The following TSC22D1 variants were observed in gnomAD, a reference collection of about 807,000 sequenced individuals.
TSC22D1 encodes the protein TSC22 domain family protein 1.
A neutral mutation model predicts 74.2 loss-of-function variants in TSC22D1; 9 were observed. The observed-to-expected ratio is 0.12, with a 90% CI of 0.07 to 0.21. The LOEUF (loss-of-function observed/expected upper bound fraction) is 0.21. Ranked by LOEUF, TSC22D1 falls within the 10% of genes least tolerant of loss-of-function variation. TSC22D1 has a pLI of 1.00. For missense variants in TSC22D1, 1,427 were observed against 1,304.7 expected, an observed-to-expected ratio of 1.09 and a Z score of -1.44; for synonymous variants, 586 against 492.5, an observed-to-expected ratio of 1.19 and a Z score of -2.51.
At chr13:44,468,000 GCGCACACACA>G (rs1877392716) in intron 1 of TSC22D1, among the ~76,000 whole-genome samples, 1 of 115,058 alleles carries the variant, frequency 8.7e-6, no homozygotes, top group African/African-American at 3.2e-5. Flanking sequence ...ATACACACAC[GCGCACACACA>G]CACACACACA....
intron 1 of TSC22D1, among the ~76,000 whole-genome samples, chr13:44,572,280 C>T (rs1264991201): frequency 1.3e-5 from 2 of 152,168 alleles, no homozygotes; most frequent in African/African-American, 4.8e-5. Context: ...ATAAGCGTTA[C>T]TGGCATATTA....
chr13:44,435,002 T>G, intron 2 of TSC22D1, 119 bp from the exon 3 acceptor site: 2 of 885,866 alleles, frequency 2.3e-6, no homozygotes, highest in Non-Finnish European at 3.5e-6. Context: ...ACCTTTAAAG[T>G]TGGTTCAATG....
intron 1 of TSC22D1, among the ~76,000 whole-genome samples, chr13:44,453,588 G>T (rs1051571713): frequency 9.9e-5 from 15 of 152,206 alleles, no homozygotes; most frequent in Non-Finnish European, 1.2e-4. Context: ...TTTAACAAAT[G>T]GCAGAGCCAA....
At chr13:44,570,555 C>CTATAAGCA (rs1883692958) in intron 1 of TSC22D1, among the ~76,000 whole-genome samples, 2 of 152,090 alleles carry the variant, frequency 1.3e-5, no homozygotes, top group African/African-American at 4.8e-5. Context: ...TCTTAGCATC[C>CTATAAGCA]TGATCCATGT....
chr13:44,458,502 C>T (rs907848790), intron 1 of TSC22D1, among the ~76,000 whole-genome samples: 2 of 152,172 alleles, frequency 1.3e-5, no homozygotes, highest in African/African-American at 4.8e-5. Context: ...ATTGCAGGCT[C>T]CAGAGAGACA....
intron 1 of TSC22D1, among the ~76,000 whole-genome samples, chr13:44,473,238 T>C (rs956347269): frequency 6.6e-6 from 1 of 152,248 alleles, no homozygotes; most frequent in African/African-American, 2.4e-5. Context: ...CACAGGCCTG[T>C]AATCCCAGCA....
chr13:44,539,172 C>T, intron 1 of TSC22D1: 1 of 985,208 alleles, frequency 1.0e-6, no homozygotes, highest in Non-Finnish European at 1.2e-6. Flanking sequence ...TTAAACATAG[C>T]TTTCAGGGAT....
chr13:44,492,414 A>G (rs1878769249), intron 1 of TSC22D1, among the ~76,000 whole-genome samples: 1 of 152,206 alleles, frequency 6.6e-6, no homozygotes, highest in African/African-American at 2.4e-5. Flanking sequence ...TAAAGTTGGA[A>G]AATCTTGAAT....
intron 1 of TSC22D1, among the ~76,000 whole-genome samples, chr13:44,550,595 A>G (rs1882171025): frequency 6.6e-6 from 1 of 151,752 alleles, no homozygotes; most frequent in Non-Finnish European, 1.5e-5. Context: ...GGAAAAAAAA[A>G]AAAAAGAAAA....
chr13:44,529,750 T>C (rs1320136087), intron 1 of TSC22D1, among the ~76,000 whole-genome samples: 3 of 152,148 alleles, frequency 2.0e-5, no homozygotes, highest in Non-Finnish European at 4.4e-5. Flanking sequence ...ATAAGGTTAG[T>C]ACACAAGTCA....
At chr13:44,503,129 G>A (rs1879289642) in intron 1 of TSC22D1, among the ~76,000 whole-genome samples, 2 of 152,252 alleles carry the variant, frequency 1.3e-5, no homozygotes, top group South Asian at 4.2e-4. Flanking sequence ...AGTTGTTAGA[G>A]ACATGCTAAT....
intron 1 of TSC22D1, among the ~76,000 whole-genome samples, chr13:44,443,309 G>GAAA (rs113326775): frequency 5.6e-5 from 8 of 143,230 alleles, no homozygotes; most frequent in South Asian, 2.2e-4. Context: ...TTAACTGAAA[G>GAAA]AAAAAAAAAA....
At chr13:44,464,668 C>G (rs1877170756) in intron 1 of TSC22D1, among the ~76,000 whole-genome samples, 1 of 152,316 alleles carries the variant, frequency 6.6e-6, no homozygotes, top group African/African-American at 2.4e-5. Context: ...GAATTACAGC[C>G]TTTATCAAGA....
chr13:44,564,369 TA>T (rs1399209077), intron 1 of TSC22D1, among the ~76,000 whole-genome samples: 1 of 152,100 alleles, frequency 6.6e-6, no homozygotes, highest in Non-Finnish European at 1.5e-5. Flanking sequence ...ATAAGCATTA[TA>T]AAAGAAAAGA....
chr13:44,455,773 A>C (rs1202091349), intron 1 of TSC22D1, among the ~76,000 whole-genome samples: 1 of 152,230 alleles, frequency 6.6e-6, no homozygotes, highest in South Asian at 2.1e-4. Context: ...AGCATGGTGC[A>C]CCGAACACAC....
intron 1 of TSC22D1, among the ~76,000 whole-genome samples, chr13:44,565,079 C>T (rs1357439162): frequency 2.0e-5 from 3 of 151,954 alleles, no homozygotes; most frequent in Non-Finnish European, 2.9e-5. Context: ...AGAATGCAAG[C>T]GGAAATGTTA....
In TSC22D1 at chr13:44,575,363, G is replaced by A. The variant is rs77747018; in HGVS notation, c.712C>T (p.His238Tyr). 6.2e-7 allele frequency: 1 copy of A among 1,614,168 alleles called. No individual in the cohort carries two copies. Among genetic ancestry groups the A allele is most frequent in the South Asian group, 1.1e-5 (1 of 91,080 alleles). The change falls in exon 1 of 3, where the codon CAT becomes TAT. Residue 238 changes from histidine (H) to tyrosine (Y), a missense_variant. Transcript: ENST00000458659. Reference sequence around the variant, plus strand: ...CTGGCCACAGCAACATGAGATGGATGGTGGTGACCATGTTGGAGGTGGTGC... The same window carrying A: ...CTGGCCACAGCAACATGAGATGGATAGTGGTGACCATGTTGGAGGTGGTGC... ...HGHHLQHGHH[H>Y]PSHVAVASAS...
chr13:44,435,673 G>A, intron 2 of TSC22D1: 1 of 277,636 alleles, frequency 3.6e-6, no homozygotes, highest in Non-Finnish European at 6.9e-6. Context: ...CCACCTCCCG[G>A]CTCCCTAGTA....
At chr13:44,435,828 G>A (rs1874554681) in intron 2 of TSC22D1, 2 of 595,068 alleles carry the variant, frequency 3.4e-6, no homozygotes, top group South Asian at 3.9e-5. Context: ...CCAGTCCGGG[G>A]AAGAAGACCA....
Sources: gnomAD v4.1 joint callset for allele counts (sites outside exome capture counted in the v4.1 genomes callset) on GRCh38, gnomAD v4.1.1 for gene constraint, MANE v1.5 for transcripts, NCBI Gene and HGNC (gene_info 2026-07-23, HGNC 2026-07-21) for gene names.